CCDC73: variants seen among roughly 807,000 people sequenced by gnomAD.
CCDC73 encodes the protein coiled-coil domain containing 73.
In CCDC73, 95 loss-of-function variants were observed where a neutral mutation model predicts 116.5. The ratio of observed to expected loss-of-function variants is 0.82; its 90% confidence interval spans 0.69 to 0.97. The LOEUF is 0.97. Among genes scored for constraint, CCDC73 ranks in the 50% least tolerant of loss-of-function variants. CCDC73 has a pLI of 0.00. For synonymous variants in CCDC73, 398 were observed against 401.3 expected (o/e 0.99, Z 0.10); for missense variants, 1,066 against 1,206.8 (o/e 0.88, Z 1.73).
In CCDC73 at chr11:32,614,422, A is replaced by G. The variant is rs778032598; in HGVS notation, c.1896T>C (p.Ser632=). Residue 632 remains serine, a synonymous_variant, in exon 16 of 18, where the codon TCT becomes TCC. Transcript: ENST00000335185. ...SDQTKADLDS[S]LDIKKNPVPC... is the part of the protein sequence containing the mutation. ...GAACAGGATTTTTTTTTATATCTAG[A>G]GACGAGTCCAAATCTGCTTTGGTTT... 1.2e-6 allele frequency: 2 copies of G among 1,613,546 alleles called. No homozygotes were observed. The highest frequency in any genetic ancestry group is 1.1e-5 in the South Asian group (1 of 91,062).
rs781367948 is a variant in CCDC73 at position 32,654,988 on chromosome 11, A to C, written c.646-16T>G. 2 of 1,578,360 alleles carry C rather than the reference A, an allele frequency of 1.3e-6. No individual in the cohort carries two copies. The highest frequency in any genetic ancestry group is 4.0e-5 in the Admixed American group (2 of 49,996). On this transcript the variant is annotated splice_polypyrimidine_tract_variant and intron_variant, in intron 9 of 17. Coordinates refer to ENST00000335185, the MANE Select transcript of CCDC73 (RefSeq NM_001008391.4). ...TTTTTAGTTCCTTAATAAGAAACAT[A>C]TCAAACAGAAAATTCAGTACACATA...
At chr11:32,734,425 CTTTTT>C (rs34093038) in intron 2 of CCDC73, among the ~76,000 whole-genome samples, 1 of 131,368 alleles carries the variant, frequency 7.6e-6, no homozygotes. Context: ...ATTTTTTTTT[CTTTTT>C]TTTTTTTTTT....
intron 1 of CCDC73, among the ~76,000 whole-genome samples, chr11:32,765,481 G>A (rs11529902): frequency 0.26 from 38,907 of 152,044 alleles, 5,988 homozygotes; most frequent in East Asian, 0.79. Context: ...GCTCGACCAC[G>A]TGGAAACTGA....
chr11:32,699,274 TCAATCC>T lies in CCDC73; in HGVS notation c.361_366del (p.Gly121_Leu122del). ...ACCTGTAGTGCTTTTAATGTTTCCT[TCAATCC>T]TTCTATTTCTTTTTCCTTTATTTCT... On this transcript the variant is annotated inframe_deletion, in exon 6 of 18. Coordinates refer to ENST00000335185, the MANE Select transcript of CCDC73 (RefSeq NM_001008391.4). 6.3e-7 allele frequency: 1 copy of T among 1,582,616 alleles called. No individual in the cohort carries two copies.
intron 2 of CCDC73, among the ~76,000 whole-genome samples, chr11:32,729,020 T>C (rs572854582): frequency 6.6e-6 from 1 of 152,218 alleles, no homozygotes; most frequent in Non-Finnish European, 1.5e-5. Context: ...CTTTTTTTTT[T>C]TTTCAACTTT....
intron 14 of CCDC73, among the ~76,000 whole-genome samples, chr11:32,624,341 A>T (rs1027285041): frequency 1.9e-4 from 28 of 150,030 alleles, no homozygotes; most frequent in African/African-American, 6.6e-4. Context: ...CTCCAAATAA[A>T]AAATAAAAAA....
chr11:32,806,313 AATC>A, the CCDC73 span, among the ~76,000 whole-genome samples: 1 of 152,154 alleles, frequency 6.6e-6, no homozygotes, highest in Non-Finnish European at 1.5e-5. Flanking sequence ...ACACAGGAAA[AATC>A]ATGGAGAAAA....
chr11:32,630,038 G>A (rs1365081288), intron 14 of CCDC73, among the ~76,000 whole-genome samples: 1 of 151,764 alleles, frequency 6.6e-6, no homozygotes, highest in Non-Finnish European at 1.5e-5. Flanking sequence ...TGGTAAATGT[G>A]GTGGTGAATA....
chr11:32,639,482 C>G (rs1239602120), intron 13 of CCDC73, among the ~76,000 whole-genome samples: 1 of 151,474 alleles, frequency 6.6e-6, no homozygotes, highest in South Asian at 2.1e-4. Flanking sequence ...TGGAGTCTCA[C>G]TCTGTTGCCT....
At chr11:32,618,147 T>C (rs1343321421) in intron 14 of CCDC73, among the ~76,000 whole-genome samples, 1 of 152,218 alleles carries the variant, frequency 6.6e-6, no homozygotes, top group Non-Finnish European at 1.5e-5. Context: ...TCTGTTCCTA[T>C]GTTAATTTGC....
Position 32,617,976 on chromosome 11 carries a change from C to G in CCDC73, c.1186-1847G>C, listed in dbSNP as rs548870329. Among the ~76,000 whole-genome samples, 3 of 152,192 alleles carry G rather than the reference C, an allele frequency of 2.0e-5. No individual in the cohort carries two copies. In the East Asian group the frequency reaches 5.8e-4, roughly 29 times the overall value. On this transcript the variant is annotated intron_variant, in intron 14 of 17. Transcript: ENST00000335185. ...GCTGAGCTTTGGGGTATGACTGATCCCATCACTCAGGTAGTGGGCATAGTA... is the reference window on the plus strand; with the variant it reads ...GCTGAGCTTTGGGGTATGACTGATCGCATCACTCAGGTAGTGGGCATAGTA...
intron 2 of CCDC73, among the ~76,000 whole-genome samples, chr11:32,742,530 G>A (rs972133990): frequency 3.3e-5 from 5 of 152,074 alleles, no homozygotes; most frequent in African/African-American, 1.2e-4. Flanking sequence ...AAATTTGTTT[G>A]AGTTCTTTGT....
chr11:32,743,038 A>G (rs1850203049), intron 2 of CCDC73, among the ~76,000 whole-genome samples: 2 of 152,206 alleles, frequency 1.3e-5, no homozygotes, highest in African/African-American at 4.8e-5. Flanking sequence ...TACCAGTACC[A>G]TGCTGTTTTG....
intron 7 of CCDC73, among the ~76,000 whole-genome samples, chr11:32,677,271 T>C (rs1400374731): frequency 6.6e-6 from 1 of 152,232 alleles, no homozygotes; most frequent in Non-Finnish European, 1.5e-5. Context: ...CTATTTACTT[T>C]ATTGAAATAC....
chr11:32,797,009 C>CAA (rs1163144111), upstream of CCDC73, among the ~76,000 whole-genome samples: 1,999 of 74,380 alleles, frequency 0.027, 46 homozygotes, highest in Non-Finnish European at 0.037. Context: ...GAGACTGCCT[C>CAA]AAAAAAAAAA....
chr11:32,683,224 A>G (rs1856164001), intron 7 of CCDC73: 1 of 343,016 alleles, frequency 2.9e-6, no homozygotes, highest in Non-Finnish European at 5.5e-6. Flanking sequence ...AAATACTCCA[A>G]TGAGCATTTT....
At chr11:32,768,022 C>T (rs1420701115) in intron 1 of CCDC73, among the ~76,000 whole-genome samples, 4 of 152,160 alleles carry the variant, frequency 2.6e-5, no homozygotes, top group African/African-American at 4.8e-5. Context: ...CACATGCACA[C>T]GTATGGTTAT....
At chr11:32,627,348 A>G (rs1222404488) in intron 14 of CCDC73, among the ~76,000 whole-genome samples, 1 of 152,234 alleles carries the variant, frequency 6.6e-6, no homozygotes, top group East Asian at 1.9e-4. Flanking sequence ...GTGGAGAAAT[A>G]GGAACACTTT....
chr11:32,673,154 T>C (rs1283468505), intron 9 of CCDC73, among the ~76,000 whole-genome samples: 2 of 152,008 alleles, frequency 1.3e-5, no homozygotes, highest in African/African-American at 4.8e-5. Context: ...AGATGACAAG[T>C]AGGTATATGA....
Sources: gnomAD v4.1 joint callset for allele counts (sites outside exome capture counted in the v4.1 genomes callset) on GRCh38, gnomAD v4.1.1 for gene constraint, MANE v1.5 for transcripts, NCBI Gene and HGNC (gene_info 2026-07-23, HGNC 2026-07-21) for gene names.